The following CNTNAP2 variants were observed in gnomAD, a reference collection of about 807,000 sequenced individuals.
CNTNAP2 encodes the protein contactin-associated protein-like 2.
In CNTNAP2, 98 loss-of-function variants were observed where a neutral mutation model predicts 155.2. The ratio of observed to expected loss-of-function variants is 0.63; its 90% CI spans 0.54 to 0.75. The LOEUF (loss-of-function observed/expected upper bound fraction) is 0.75. Ranked by LOEUF, CNTNAP2 falls within the 30% of genes least tolerant of loss-of-function variation. The pLI, the probability that CNTNAP2 is intolerant of heterozygous loss-of-function variation, is 0.00. For synonymous variants in CNTNAP2, 651 were observed against 631.2 expected (o/e 1.03, Z -0.47); for missense variants, 1,727 against 1,688.1 (o/e 1.02, Z -0.40).
chr7:147,817,851 G>C (rs1798297995), intron 13 of CNTNAP2, among the ~76,000 whole-genome samples: 1 of 149,194 alleles, frequency 6.7e-6, no homozygotes, highest in African/African-American at 2.5e-5. Flanking sequence ...CTTGCAGTGA[G>C]CTGAGATGGT....
chr7:146,444,507 G>A (rs1796373396), intron 1 of CNTNAP2, among the ~76,000 whole-genome samples: 1 of 152,106 alleles, frequency 6.6e-6, no homozygotes, highest in Non-Finnish European at 1.5e-5. Flanking sequence ...TACATCTGCT[G>A]GACCAAAGTA....
intron 1 of CNTNAP2, among the ~76,000 whole-genome samples, chr7:146,649,350 T>C (rs1799867218): frequency 6.6e-6 from 1 of 152,122 alleles, no homozygotes; most frequent in Non-Finnish European, 1.5e-5. Flanking sequence ...TATCTTGATA[T>C]ATTTTCTTTT....
At chr7:146,686,310 TCAAA>T (rs1224260985) in intron 1 of CNTNAP2, among the ~76,000 whole-genome samples, 2 of 151,058 alleles carry the variant, frequency 1.3e-5, no homozygotes, top group Admixed American at 6.6e-5. Context: ...AAAAAAAAAA[TCAAA>T]CAATTTTTGA....
At chr7:147,161,651 T>G (rs1032449783) in intron 8 of CNTNAP2, 2 of 152,084 alleles carry the variant, frequency 1.3e-5, no homozygotes, top group South Asian at 2.1e-4. Flanking sequence ...CGCTGGCATC[T>G]TCACTGAAGT....
At chr7:148,393,692 A>G (rs1799404733) in intron 22 of CNTNAP2, among the ~76,000 whole-genome samples, 1 of 152,218 alleles carries the variant, frequency 6.6e-6, no homozygotes, top group Non-Finnish European at 1.5e-5. Flanking sequence ...ACAGTCCAGC[A>G]ATCTATGAAT....
chr7:148,137,403 T>C (rs1483822234), intron 16 of CNTNAP2, among the ~76,000 whole-genome samples: 3 of 152,334 alleles, frequency 2.0e-5, no homozygotes, highest in African/African-American at 7.2e-5. Context: ...CTCACGCCTG[T>C]AATCCCAGCA....
chr7:147,816,288 G>C (rs1217538974), intron 13 of CNTNAP2, among the ~76,000 whole-genome samples: 1 of 152,152 alleles, frequency 6.6e-6, no homozygotes, highest in Non-Finnish European at 1.5e-5. Flanking sequence ...GCTTGAGAGA[G>C]GGGACCATTC....
At chr7:147,640,695 C>T (rs1795257086) in intron 13 of CNTNAP2, among the ~76,000 whole-genome samples, 1 of 151,910 alleles carries the variant, frequency 6.6e-6, no homozygotes, top group South Asian at 2.1e-4. Flanking sequence ...CATGGACATA[C>T]GTGGAGTGGT....
chr7:146,525,339 A>G (rs1462622802), intron 1 of CNTNAP2, among the ~76,000 whole-genome samples: 1 of 152,128 alleles, frequency 6.6e-6, no homozygotes, highest in Non-Finnish European at 1.5e-5. Flanking sequence ...TCACATTTAC[A>G]TCTGAGAATT....
intron 13 of CNTNAP2, among the ~76,000 whole-genome samples, chr7:147,799,113 T>C (rs1222404994): frequency 6.6e-6 from 1 of 152,158 alleles, no homozygotes; most frequent in Non-Finnish European, 1.5e-5. Context: ...ATGAAAATAA[T>C]AAGAGAATTC....
chr7:148,283,999 G>C (rs1465576168), intron 21 of CNTNAP2, among the ~76,000 whole-genome samples: 4 of 152,222 alleles, frequency 2.6e-5, no homozygotes. Flanking sequence ...CACTAATTGA[G>C]TGTTAGCAGC....
chr7:148,207,260 G>A (rs764848916), intron 18 of CNTNAP2, among the ~76,000 whole-genome samples: 14 of 152,326 alleles, frequency 9.2e-5, no homozygotes, highest in Non-Finnish European at 1.9e-4. Context: ...TGGAGCTCAC[G>A]CAGAATCGAA....
chr7:148,207,966 T>TA (rs1255206336), intron 18 of CNTNAP2, among the ~76,000 whole-genome samples: 1 of 151,994 alleles, frequency 6.6e-6, no homozygotes, highest in Non-Finnish European at 1.5e-5. Context: ...CGGGGGCCTG[T>TA]AGTCCCAGCT....
intron 9 of CNTNAP2, among the ~76,000 whole-genome samples, chr7:147,341,720 C>A (rs73473107): frequency 1.3e-4 from 20 of 151,276 alleles, no homozygotes; most frequent in Admixed American, 1.2e-3. Flanking sequence ...AACTCCTACC[C>A]CAAACCCAAC....
intron 1 of CNTNAP2, among the ~76,000 whole-genome samples, chr7:146,331,568 G>A (rs908535399): frequency 6.6e-6 from 1 of 152,024 alleles, no homozygotes; most frequent in Non-Finnish European, 1.5e-5. Context: ...AGGTGGTCTG[G>A]GTTTGTTGTG....
At chr7:147,507,934 G>A (rs1408063394) in intron 11 of CNTNAP2, among the ~76,000 whole-genome samples, 1 of 152,064 alleles carries the variant, frequency 6.6e-6, no homozygotes, top group Non-Finnish European at 1.5e-5. Context: ...TCAAGCCTCT[G>A]CTTCTCAGTA....
intron 15 of CNTNAP2, among the ~76,000 whole-genome samples, chr7:148,090,638 A>G (rs558269760): frequency 3.3e-4 from 50 of 152,266 alleles, no homozygotes; most frequent in African/African-American, 1.1e-3. Flanking sequence ...ACCATTACAC[A>G]TTGTTGGTAG....
chr7:148,413,060 T>C (rs187350368), intron 23 of CNTNAP2, among the ~76,000 whole-genome samples: 4 of 152,218 alleles, frequency 2.6e-5, no homozygotes, highest in Admixed American at 2.6e-4. Context: ...TGATCTTTTT[T>C]ACATATTGCT....
intron 15 of CNTNAP2, among the ~76,000 whole-genome samples, chr7:148,008,791 T>C (rs989852587): frequency 1.3e-5 from 2 of 152,228 alleles, no homozygotes; most frequent in African/African-American, 4.8e-5. Flanking sequence ...TTACATTCAT[T>C]TCACATTTCA....
Sources: allele counts gnomAD v4.1 joint callset (sites outside exome capture counted in the v4.1 genomes callset), GRCh38; gene constraint gnomAD v4.1.1; transcripts MANE v1.5; gene names NCBI Gene and HGNC (gene_info 2026-07-23, HGNC 2026-07-21).